BDNF: variants seen among roughly 807,000 people sequenced by gnomAD.
BDNF encodes the protein brain derived neurotrophic factor.
Under a neutral mutation model 19.5 loss-of-function variants are expected in BDNF, and 1 was observed. The ratio of observed to expected loss-of-function variants is 0.05; its 90% CI spans 0.02 to 0.24. The LOEUF is 0.24. BDNF is among the 10% of genes least tolerant of loss of function. The pLI, the probability that BDNF is intolerant of heterozygous loss-of-function variation, is 1.00. For synonymous variants in BDNF, 100 were observed against 121.6 expected, an observed-to-expected ratio of 0.82 and a Z score of 1.17; for missense variants, 195 against 317.6, an observed-to-expected ratio of 0.61 and a Z score of 2.93.
intron 1 of BDNF, among the ~76,000 whole-genome samples, chr11:27,699,137 G>C (rs1859575429): frequency 6.7e-6 from 1 of 149,270 alleles, no homozygotes; most frequent in Non-Finnish European, 1.5e-5. Flanking sequence ...GGCCGGCAGA[G>C]GGCACCCTCT....
intron 1 of BDNF, among the ~76,000 whole-genome samples, chr11:27,686,282 ATG>A (rs762485241): frequency 6.6e-6 from 1 of 151,858 alleles, no homozygotes; most frequent in African/African-American, 2.4e-5. Context: ...TTTTCAGCCT[ATG>A]TGTGTCTTTG....
intron 1 of BDNF, among the ~76,000 whole-genome samples, chr11:27,664,747 G>A (rs1416789885): frequency 2.0e-5 from 3 of 152,190 alleles, no homozygotes; most frequent in African/African-American, 7.2e-5. Flanking sequence ...TCATGCCACT[G>A]AACTCCAGCC....
chr11:27,666,853 T>A (rs913683068), intron 1 of BDNF, among the ~76,000 whole-genome samples: 1 of 152,152 alleles, frequency 6.6e-6, no homozygotes, highest in Non-Finnish European at 1.5e-5. Flanking sequence ...CTGCAGGATA[T>A]TATCCAGGAG....
At chr11:27,704,686 A>G (rs560146653), upstream of BDNF, among the ~76,000 whole-genome samples, 2 of 152,342 alleles carry the variant, frequency 1.3e-5, no homozygotes, top group African/African-American at 4.8e-5. Context: ...GGTGTTTTCA[A>G]ACTCATCCTG....
At chr11:27,699,319 C>T in intron 1 of BDNF, 1 of 1,603,224 alleles carries the variant, frequency 6.2e-7, no homozygotes, top group Non-Finnish European at 8.5e-7. Context: ...TCCCCTTCTT[C>T]TTGCCCGTCA....
At chr11:27,691,314 A>T (rs954653402) in intron 1 of BDNF, among the ~76,000 whole-genome samples, 1 of 152,202 alleles carries the variant, frequency 6.6e-6, no homozygotes, top group East Asian at 1.9e-4. Flanking sequence ...ATGGAGAGCC[A>T]TATCAAGGAG....
At chr11:27,721,389 A>G in intron 1 of BDNF, 1 of 1,613,872 alleles carries the variant, frequency 6.2e-7, no homozygotes, top group Non-Finnish European at 8.5e-7. Context: ...TTCAATTATA[A>G]TGCAGGTTTT....
intron 1 of BDNF, chr11:27,665,135 C>T (rs1053793886): frequency 5.9e-5 from 9 of 152,180 alleles, no homozygotes; most frequent in African/African-American, 2.2e-4. Flanking sequence ...TTACAATTCA[C>T]TGAAGTTTAG....
Position 27,697,164 on chromosome 11 carries a change from C to CAGAGAGAGAGAG in BDNF, c.-22+2988_-22+2999dup, listed in dbSNP as rs72348822. Among the ~76,000 whole-genome samples the CAGAGAGAGAGAG allele has an allele frequency of 2.4e-4, 32 of 133,156 alleles. 1 individual carries two copies. In the South Asian group the frequency reaches 2.7e-3, roughly 11 times the overall value. 87.4% of individuals were successfully genotyped at this position (133,156 alleles called of 152,430 possible). On this transcript the variant is annotated intron_variant, in intron 1 of 1. Coordinates refer to ENST00000356660, the MANE Select transcript of BDNF (RefSeq NM_001709.5). The stretch of plus-strand genomic sequence containing the variant: ...GCACGCACACACACACACACACACA[C>CAGAGAGAGAGAG]AGAGAGAGAGAGAGAGAGAGAGAGA...
chr11:27,710,844 G>A (rs1487965566), intron 1 of BDNF, among the ~76,000 whole-genome samples: 1 of 152,170 alleles, frequency 6.6e-6, no homozygotes, highest in Non-Finnish European at 1.5e-5. Flanking sequence ...ACTCTCAGAA[G>A]TCAACTAACT....
At position 27,666,480 on chromosome 11, in the gene BDNF, G is replaced by A. The variant is rs1343469925; in HGVS notation, c.-21-7895C>T. On this transcript the variant is annotated intron_variant, in intron 1 of 1. Coordinates refer to ENST00000356660, the MANE Select transcript of BDNF (RefSeq NM_001709.5). ...GATCAGTAATAACAAACTCCTCCGAGCTAAAGGAGGATGTTTGAACCTTTT... is the reference window on the plus strand; with the variant it reads ...GATCAGTAATAACAAACTCCTCCGAACTAAAGGAGGATGTTTGAACCTTTT... 2.6e-5 allele frequency among the ~76,000 whole-genome samples: 4 copies of A among 152,176 alleles called. 1 individual carries two copies. The highest frequency in any genetic ancestry group is 9.7e-5 in the African/African-American group (4 of 41,432).
At chr11:27,700,491 G>T (rs1590465011), upstream of BDNF, 1 of 980,882 alleles carries the variant, frequency 1.0e-6, no homozygotes, top group Non-Finnish European at 1.2e-6. Flanking sequence ...TTAGCTCTTC[G>T]GTTGAGCTTC....
At chr11:27,661,016 C>T (rs1853371312) in intron 1 of BDNF, among the ~76,000 whole-genome samples, 2 of 152,224 alleles carry the variant, frequency 1.3e-5, no homozygotes, top group African/African-American at 4.8e-5. Flanking sequence ...ATAATTAATG[C>T]TTTATATATT....
chr11:27,701,018 A>G (rs746006871), upstream of BDNF: 2 of 1,361,360 alleles, frequency 1.5e-6, no homozygotes, highest in Middle Eastern at 2.1e-4. Flanking sequence ...CGAGCACACA[A>G]TGAAATCGCA....
rs1219294356 is a variant in BDNF, at chr11:27,660,377, A to G, written c.-21-1792T>C. The stretch of plus-strand genomic sequence containing the variant: ...CACAATGTTCTCAGATTAGGAAGGG[A>G]AAATTGGTTTGAATAAAATACAGAT... On this transcript the variant is annotated intron_variant, in intron 1 of 1. Coordinates refer to ENST00000356660, the MANE Select transcript of BDNF (RefSeq NM_001709.5). 9.9e-6 allele frequency: 4 copies of G among 404,098 alleles called. No homozygotes were observed. The East Asian group carries it at 3.7e-4, about 38-fold the overall frequency. 25.0% of individuals were successfully genotyped at this position (404,098 alleles called of 1,614,324 possible).
intron 1 of BDNF, among the ~76,000 whole-genome samples, chr11:27,718,622 T>G (rs1860621782): frequency 7.3e-6 from 1 of 137,444 alleles, no homozygotes; most frequent in African/African-American, 2.7e-5. Flanking sequence ...AACGACTGGA[T>G]CTCGGAACAA....
chr11:27,681,135 GA>G (rs1376970041), intron 1 of BDNF, among the ~76,000 whole-genome samples: 3 of 152,058 alleles, frequency 2.0e-5, no homozygotes, highest in African/African-American at 7.3e-5. Flanking sequence ...AAGGATGGGG[GA>G]AAGGGATTTC....
intron 1 of BDNF, among the ~76,000 whole-genome samples, chr11:27,691,398 CAATT>C (rs1423770920): frequency 1.3e-5 from 2 of 152,134 alleles, no homozygotes; most frequent in African/African-American, 4.8e-5. Flanking sequence ...ACTGGGCACT[CAATT>C]AATGCACGGT....
At chr11:27,666,360 G>A (rs889012781) in intron 1 of BDNF, among the ~76,000 whole-genome samples, 10 of 152,172 alleles carry the variant, frequency 6.6e-5, no homozygotes, top group African/African-American at 2.4e-4. Flanking sequence ...ATCAGAGCAC[G>A]TCTTCTCCTC....
Sources: gnomAD v4.1 joint callset for allele counts (sites outside exome capture counted in the v4.1 genomes callset) on GRCh38, gnomAD v4.1.1 for gene constraint, MANE v1.5 for transcripts, NCBI Gene and HGNC (gene_info 2026-07-23, HGNC 2026-07-21) for gene names.